The following NAALADL2 variants were observed in gnomAD, a reference collection of about 807,000 sequenced individuals.
The protein encoded by NAALADL2 is N-acetylated alpha-linked acidic dipeptidase like 2.
NAALADL2 carries 76 observed loss-of-function variants against 87.2 expected under a neutral mutation model. The ratio of observed to expected loss-of-function variants is 0.87; its 90% CI spans 0.72 to 1.05. The LOEUF (loss-of-function observed/expected upper bound fraction) is 1.05. Among genes scored for constraint, NAALADL2 ranks in the 50% least tolerant of loss-of-function variants. The pLI is 0.00. For synonymous variants in NAALADL2, 354 were observed against 331.0 expected (o/e 1.07, Z -0.75); for missense variants, 1,089 against 945.8 (o/e 1.15, Z -1.99).
intron 4 of NAALADL2, among the ~76,000 whole-genome samples, chr3:175,300,530 C>T (rs1047445519): frequency 6.6e-6 from 1 of 151,918 alleles, no homozygotes; most frequent in Non-Finnish European, 1.5e-5. Context: ...GTGTATGTGT[C>T]GAGGAATTTA....
intron 5 of NAALADL2, among the ~76,000 whole-genome samples, chr3:175,360,089 C>T (rs1764812590): frequency 1.3e-5 from 2 of 152,058 alleles, no homozygotes; most frequent in Admixed American, 1.3e-4. Context: ...ATCTCTACTC[C>T]CTATCTCCCT....
rs192435643 is a variant in NAALADL2, at chr3:174,591,453, C to T, written c.-115+40816C>T. ...GCTATGGCATAATGAGTTCAGAGGG[C>T]ATCTCTATTGATGCGGGTAAAGGAA... On this transcript the variant is annotated intron_variant, in intron 2 of 3. Transcript: ENST00000434257. 1.1e-4 allele frequency among the ~76,000 whole-genome samples: 17 copies of T among 152,236 alleles called. No individual in the cohort carries two copies. In the East Asian group the frequency reaches 3.1e-3, roughly 28 times the overall value.
intron 5 of NAALADL2, among the ~76,000 whole-genome samples, chr3:175,376,213 T>C (rs993210706): frequency 1.3e-5 from 2 of 152,142 alleles, no homozygotes. Context: ...TTCATTTCTT[T>C]TCGTATCTCT....
At chr3:175,001,333 C>T (rs1748202596) in intron 1 of NAALADL2, among the ~76,000 whole-genome samples, 1 of 150,742 alleles carries the variant, frequency 6.6e-6, no homozygotes, top group African/African-American at 2.4e-5. Context: ...AGCAAAGTAT[C>T]CTTGCCCCAT....
rs891659085 is a variant in NAALADL2, at chr3:174,585,583, T to C, written c.-115+34946T>C. Among the ~76,000 whole-genome samples, 5 of 152,324 alleles carry C rather than the reference T, an allele frequency of 3.3e-5. No homozygotes were observed. The East Asian group carries it at 9.6e-4, about 29-fold the overall frequency. ...AATATCAGAATTTCTACCCTGGATC[T>C]GTGCTAGTAGTTCTCAGTCATAAGC... On this transcript the variant is annotated intron_variant, in intron 2 of 3. Transcript: ENST00000434257.
At chr3:175,596,393 TTA>T (rs1225408784) in intron 10 of NAALADL2, among the ~76,000 whole-genome samples, 1 of 151,958 alleles carries the variant, frequency 6.6e-6, no homozygotes, top group Non-Finnish European at 1.5e-5. Context: ...GAGAGAATTT[TTA>T]TGTTATTTGC....
chr3:175,129,118 T>C (rs895788874), intron 2 of NAALADL2, among the ~76,000 whole-genome samples: 2 of 149,186 alleles, frequency 1.3e-5, no homozygotes, highest in Admixed American at 1.3e-4. Flanking sequence ...TTTTTTTTTT[T>C]ATAATTTTAA....
intron 11 of NAALADL2, among the ~76,000 whole-genome samples, chr3:175,669,507 C>T (rs996211757): frequency 6.6e-6 from 1 of 151,952 alleles, no homozygotes; most frequent in Non-Finnish European, 1.5e-5. Flanking sequence ...ATTATATCCC[C>T]AAAATTCTTA....
In NAALADL2 at chr3:175,004,312, G is replaced by A. The variant is rs560667175; in HGVS notation, c.44-92478G>A. ...CATGGGAGCTTGAGCTTAGGAGGTC[G>A]AGGCCACAGTGAGCCATGTTCACGC... On this transcript the variant is annotated intron_variant, in intron 1 of 13. Coordinates refer to ENST00000454872, the MANE Select transcript of NAALADL2 (RefSeq NM_207015.3). 7.6e-5 allele frequency among the ~76,000 whole-genome samples: 11 copies of A among 145,144 alleles called. No homozygotes were observed. The East Asian group carries it at 1.9e-3, about 25-fold the overall frequency.
intron 5 of NAALADL2, among the ~76,000 whole-genome samples, chr3:175,362,810 C>T (rs1170247205): frequency 6.8e-6 from 1 of 147,844 alleles, no homozygotes; most frequent in East Asian, 2.0e-4. Context: ...CAGTGTAGAA[C>T]TGTTTCCTGT....
intron 1 of NAALADL2, among the ~76,000 whole-genome samples, chr3:175,009,990 GCTTAATCACA>G (rs1749565765): frequency 6.6e-6 from 1 of 152,030 alleles, no homozygotes; most frequent in South Asian, 2.1e-4. Flanking sequence ...TTGACTATGA[GCTTAATCACA>G]CAAGGATGAG....
At chr3:174,865,098 T>C (rs1323163079) in intron 1 of NAALADL2, among the ~76,000 whole-genome samples, 3 of 151,674 alleles carry the variant, frequency 2.0e-5, no homozygotes, top group Non-Finnish European at 4.4e-5. Flanking sequence ...GGAGGCTCTT[T>C]CATAAATGCT....
chr3:175,601,031 T>C (rs1722915409), intron 10 of NAALADL2, among the ~76,000 whole-genome samples: 1 of 152,124 alleles, frequency 6.6e-6, no homozygotes, highest in Admixed American at 6.5e-5. Context: ...CTAATTACAA[T>C]AAGGAAAAAT....
chr3:174,793,531 CAT>C (rs1380420279), intron 3 of NAALADL2, among the ~76,000 whole-genome samples: 2 of 152,126 alleles, frequency 1.3e-5, no homozygotes, highest in African/African-American at 2.4e-5. Context: ...GTGGTCAAAT[CAT>C]GTGTCCATTG....
intron 5 of NAALADL2, among the ~76,000 whole-genome samples, chr3:175,403,182 C>G (rs1711657208): frequency 6.6e-6 from 1 of 151,914 alleles, no homozygotes; most frequent in Non-Finnish European, 1.5e-5. Context: ...CCTTCCTTTT[C>G]TTTTTTGCTT....
At chr3:175,334,569 C>A (rs1761786659) in intron 5 of NAALADL2, among the ~76,000 whole-genome samples, 1 of 152,122 alleles carries the variant, frequency 6.6e-6, no homozygotes, top group Non-Finnish European at 1.5e-5. Flanking sequence ...ACATATTCTT[C>A]TTATTTATCC....
intron 2 of NAALADL2, among the ~76,000 whole-genome samples, chr3:175,116,672 G>A (rs1023360184): frequency 1.3e-5 from 2 of 151,812 alleles, no homozygotes; most frequent in African/African-American, 2.4e-5. Context: ...TGTAATTTAT[G>A]GATTCAATGC....
At chr3:174,652,499 A>G (rs1026501133) in intron 2 of NAALADL2, among the ~76,000 whole-genome samples, 2 of 152,182 alleles carry the variant, frequency 1.3e-5, no homozygotes, top group Non-Finnish European at 2.9e-5. Flanking sequence ...GAGCAAAGGC[A>G]TGTCTTACAT....
intron 4 of NAALADL2, among the ~76,000 whole-genome samples, chr3:175,259,727 G>T (rs1425319412): frequency 6.6e-6 from 1 of 152,146 alleles, no homozygotes; most frequent in African/African-American, 2.4e-5. Context: ...TGAAAATTCA[G>T]GTTAAAATAC....
Sources: allele counts gnomAD v4.1 joint callset (sites outside exome capture counted in the v4.1 genomes callset), GRCh38; gene constraint gnomAD v4.1.1; transcripts MANE v1.5; gene names NCBI Gene and HGNC (gene_info 2026-07-23, HGNC 2026-07-21).